The following TMEM245 variants were observed in gnomAD, a reference collection of about 807,000 sequenced individuals.
TMEM245 encodes protein CG-2.
Under a neutral mutation model 101.2 loss-of-function variants are expected in TMEM245, and 69 were observed. That is an observed-to-expected ratio of 0.68 (90% CI 0.56 to 0.83). TMEM245 has a LOEUF of 0.83. TMEM245 is among the 40% of genes least tolerant of loss of function. The pLI, the probability that TMEM245 is intolerant of heterozygous loss-of-function variation, is 0.00. For missense variants in TMEM245, 1,075 were observed against 1,092.8 expected (o/e 0.98, Z 0.23); for synonymous variants, 537 against 449.8 (o/e 1.19, Z -2.45).
chr9:109,052,933 T>C (rs1328503764), intron 12 of TMEM245, among the ~76,000 whole-genome samples: 1 of 152,104 alleles, frequency 6.6e-6, no homozygotes, highest in Admixed American at 6.6e-5. Flanking sequence ...AAGTAACCTT[T>C]CCTATTTGAA....
intron 17 of TMEM245, among the ~76,000 whole-genome samples, chr9:109,028,718 G>C (rs1302919576): frequency 3.3e-5 from 5 of 152,084 alleles, no homozygotes; most frequent in Non-Finnish European, 7.4e-5. Context: ...ACCAAAGTTA[G>C]AAAAATACTC....
At chr9:109,092,923 C>G (rs1248272154) in intron 4 of TMEM245, among the ~76,000 whole-genome samples, 1 of 151,278 alleles carries the variant, frequency 6.6e-6, no homozygotes, top group Non-Finnish European at 1.5e-5. Flanking sequence ...ACACATGAAG[C>G]ATGCAAACTT....
intron 14 of TMEM245, among the ~76,000 whole-genome samples, chr9:109,042,110 A>G (rs1828329610): frequency 6.6e-6 from 1 of 152,158 alleles, no homozygotes; most frequent in Admixed American, 6.5e-5. Context: ...TGGTAATTAT[A>G]TGCCCAGTAT....
chr9:109,100,217 A>G (rs888437048), intron 3 of TMEM245, among the ~76,000 whole-genome samples: 4 of 152,218 alleles, frequency 2.6e-5, no homozygotes, highest in African/African-American at 9.6e-5. Flanking sequence ...TGCAAGAAGG[A>G]TGAGTACTCA....
At chr9:109,050,468 T>C in intron 13 of TMEM245, 40 bp from the exon 14 acceptor site, 1 of 1,612,570 alleles carries the variant, frequency 6.2e-7, no homozygotes, top group South Asian at 1.1e-5. Flanking sequence ...AAAATCGTAT[T>C]TGGAAACTAT....
chr9:109,056,612 C>T (rs891385138), intron 12 of TMEM245, among the ~76,000 whole-genome samples: 1 of 151,802 alleles, frequency 6.6e-6, no homozygotes, highest in Non-Finnish European at 1.5e-5. Context: ...TGAACTCCGT[C>T]TCAAAAAAAA....
chr9:109,044,492 C>T (rs1828414376), intron 14 of TMEM245, among the ~76,000 whole-genome samples: 1 of 152,136 alleles, frequency 6.6e-6, no homozygotes, highest in Admixed American at 6.5e-5. Context: ...TGGTTCCACC[C>T]TCTTTTCTAA....
chr9:109,036,939 T>A (rs1263898911), intron 15 of TMEM245, among the ~76,000 whole-genome samples: 1 of 152,142 alleles, frequency 6.6e-6, no homozygotes, highest in African/African-American at 2.4e-5. Flanking sequence ...TACATGACCT[T>A]GGAAAACTGG....
intron 14 of TMEM245, among the ~76,000 whole-genome samples, chr9:109,048,293 C>G (rs839011): frequency 0.13 from 19,914 of 152,060 alleles, 1,727 homozygotes; most frequent in Middle Eastern, 0.2. Flanking sequence ...AGCAAAAGTT[C>G]TACAGACATT....
chr9:109,054,666 C>T (rs778320882), intron 12 of TMEM245, among the ~76,000 whole-genome samples: 1 of 151,934 alleles, frequency 6.6e-6, no homozygotes, highest in African/African-American at 2.4e-5. Context: ...AGGTATGAGA[C>T]TAAGAAATGT....
chr9:109,093,486 G>A lies in TMEM245; in HGVS notation c.905C>T (p.Thr302Ile). The change falls in exon 4 of 18, where the codon ACT (threonine) becomes ATT (isoleucine). Residue 302 changes from threonine to isoleucine, a missense_variant. Transcript: ENST00000374586. ...AGAACATCAGTCACCTGCAGGCTGA[G>A]TGGAGGGCTGGTCTTCACTGCTTGA... ...YESSSEDQPS[T>I]QPAEAVDRGE... 1 of 1,613,380 alleles carries A rather than the reference G, an allele frequency of 6.2e-7. No individual in the cohort carries two copies. The highest frequency in any genetic ancestry group is 8.5e-7 in the Non-Finnish European group (1 of 1,179,726).
At chr9:109,044,999 ATC>A (rs1828439671) in intron 14 of TMEM245, among the ~76,000 whole-genome samples, 1 of 152,138 alleles carries the variant, frequency 6.6e-6, no homozygotes, top group Non-Finnish European at 1.5e-5. Context: ...ACCTCAGGTG[ATC>A]TGCCCGCCTT....
chr9:109,097,921 AAAAT>A (rs761665076), intron 3 of TMEM245, among the ~76,000 whole-genome samples: 16 of 152,296 alleles, frequency 1.1e-4, no homozygotes, highest in South Asian at 4.2e-4. Context: ...TCCGTCTTGA[AAAAT>A]AAATAAATAA....
intron 14 of TMEM245, among the ~76,000 whole-genome samples, chr9:109,041,822 T>C (rs1485237884): frequency 6.6e-6 from 1 of 152,192 alleles, no homozygotes; most frequent in South Asian, 2.1e-4. Context: ...ACTATAAATA[T>C]ATAGCATTCA....
At chr9:109,044,557 CA>C (rs1828417523) in intron 14 of TMEM245, among the ~76,000 whole-genome samples, 1 of 152,048 alleles carries the variant, frequency 6.6e-6, no homozygotes, top group Non-Finnish European at 1.5e-5. Flanking sequence ...TGGTATGTCT[CA>C]AGTAGAAAGT....
At chr9:109,078,304 AAAG>A (rs1829574553) in intron 8 of TMEM245, among the ~76,000 whole-genome samples, 1 of 148,738 alleles carries the variant, frequency 6.7e-6, no homozygotes, top group Non-Finnish European at 1.5e-5. Context: ...AAATAAATTA[AAAG>A]AAGACAGGGG....
chr9:109,067,314 A>C (rs1829200270), intron 9 of TMEM245, among the ~76,000 whole-genome samples: 1 of 152,054 alleles, frequency 6.6e-6, no homozygotes. Context: ...GCTGGGCTGT[A>C]CTCCGGCCTT....
intron 3 of TMEM245, among the ~76,000 whole-genome samples, chr9:109,097,229 G>A (rs1008795107): frequency 2.2e-4 from 34 of 152,338 alleles, no homozygotes; most frequent in Admixed American, 2.0e-4. Flanking sequence ...GTGTCTTAGA[G>A]AGCAGGGGTA....
At chr9:109,082,638 T>C (rs533019941) in intron 7 of TMEM245, among the ~76,000 whole-genome samples, 255 of 127,406 alleles carry the variant, frequency 2.0e-3, no homozygotes, top group African/African-American at 7.2e-3. Context: ...CTGAAAATAA[T>C]GTAGAGCCTC....
Sources: allele counts gnomAD v4.1 joint callset (sites outside exome capture counted in the v4.1 genomes callset), GRCh38; gene constraint gnomAD v4.1.1; transcripts MANE v1.5; gene names NCBI Gene and HGNC (gene_info 2026-07-23, HGNC 2026-07-21).